Variants in PTDSS2 observed in about 807,000 individuals in gnomAD.
PTDSS2 encodes phosphatidylserine synthase 2.
Under a neutral mutation model 64.7 loss-of-function variants are expected in PTDSS2, and 41 were observed. That is an observed-to-expected ratio of 0.63 (90% confidence interval 0.49 to 0.82). The LOEUF (loss-of-function observed/expected upper bound fraction) is 0.82, where lower values mean the gene tolerates loss of function less well. PTDSS2 is among the 40% of genes least tolerant of loss of function. The pLI is 0.00. For missense variants in PTDSS2, 485 were observed against 650.0 expected (o/e 0.75, Z 2.76); for synonymous variants, 297 against 277.8 (o/e 1.07, Z -0.69).
intron 2 of PTDSS2, 63 bp from the exon 3 acceptor site, chr11:473,832 C>A: frequency 7.6e-7 from 1 of 1,308,658 alleles, no homozygotes; most frequent in Non-Finnish European, 1.1e-6. Context: ...TCCCTGCAGC[C>A]TCCCACCTCC....
intron 3 of PTDSS2, among the ~76,000 whole-genome samples, chr11:474,262 A>G (rs2133803842): frequency 6.6e-6 from 1 of 151,282 alleles, no homozygotes; most frequent in East Asian, 1.9e-4. Flanking sequence ...TCCTCTTTCC[A>G]CAGACCAGAG....
Position 490,585 on chromosome 11 carries a change from T to C in PTDSS2, c.*3T>C, listed in dbSNP as rs1848631188. On this transcript the variant is annotated 3_prime_UTR_variant, in exon 12 of 12. Coordinates refer to ENST00000308020, the MANE Select transcript of PTDSS2 (RefSeq NM_030783.3). Reference sequence around the variant, plus strand: ...AGGGAGCACCAACTCCAAACTGACCTGGGCCGTGGCTGCCTCGTGAGCCTC... The same window carrying C: ...AGGGAGCACCAACTCCAAACTGACCCGGGCCGTGGCTGCCTCGTGAGCCTC... The C allele has an allele frequency of 6.3e-7, 1 of 1,582,588 alleles. No homozygotes were observed. The highest frequency in any genetic ancestry group is 1.3e-5 in the African/African-American group (1 of 74,618).
chr11:454,989 C>T (rs1263281910), intron 1 of PTDSS2, among the ~76,000 whole-genome samples: 1 of 151,020 alleles, frequency 6.6e-6, no homozygotes, highest in Admixed American at 6.6e-5. Flanking sequence ...CAGGCACGTC[C>T]GAGGGTCAGG....
intron 2 of PTDSS2, among the ~76,000 whole-genome samples, chr11:473,053 G>C (rs1045040447): frequency 5.3e-5 from 8 of 152,224 alleles, no homozygotes; most frequent in Admixed American, 2.6e-4. Flanking sequence ...CCACACCTTG[G>C]GTGCAGCGAG....
chr11:464,526 G>T (rs1323049673), intron 2 of PTDSS2, among the ~76,000 whole-genome samples: 1 of 152,206 alleles, frequency 6.6e-6, no homozygotes, highest in African/African-American at 2.4e-5. Flanking sequence ...CAGTGCATCT[G>T]CCTGGGTGAG....
chr11:489,783 G>A (rs1041812513), intron 10 of PTDSS2, 50 bp downstream of exon 10: 4 of 1,576,864 alleles, frequency 2.5e-6, no homozygotes, highest in Admixed American at 3.7e-5. Context: ...GGCAGGGGCC[G>A]GAGGGCTGGG....
At chr11:474,213 T>C (rs924503466) in intron 3 of PTDSS2, among the ~76,000 whole-genome samples, 1 of 152,208 alleles carries the variant, frequency 6.6e-6, no homozygotes, top group African/African-American at 2.4e-5. Context: ...CACTCTTCCC[T>C]GTCCAGGGCT....
intron 4 of PTDSS2, among the ~76,000 whole-genome samples, chr11:485,698 C>T (rs1346598967): frequency 7.4e-6 from 1 of 135,598 alleles, no homozygotes; most frequent in East Asian, 2.2e-4. Flanking sequence ...CGTGTGTGCT[C>T]ACTGCGCAGG....
At chr11:449,609 T>C, upstream of PTDSS2, among the ~76,000 whole-genome samples, 1 of 152,186 alleles carries the variant, frequency 6.6e-6, no homozygotes, top group East Asian at 1.9e-4. Flanking sequence ...AATCAGCGTG[T>C]CCGCACCATT....
chr11:466,814 C>G (rs1156261415), intron 2 of PTDSS2, among the ~76,000 whole-genome samples: 1 of 152,118 alleles, frequency 6.6e-6, no homozygotes, highest in South Asian at 2.1e-4. Flanking sequence ...TCCCTCCACA[C>G]GTGGGGATTA....
At chr11:467,750 A>G (rs1847206713) in intron 2 of PTDSS2, among the ~76,000 whole-genome samples, 1 of 152,112 alleles carries the variant, frequency 6.6e-6, no homozygotes, top group Non-Finnish European at 1.5e-5. Context: ...ATAGATATAG[A>G]TATAGATAGA....
At chr11:481,603 G>A (rs7118621) in intron 4 of PTDSS2, among the ~76,000 whole-genome samples, 54,274 of 151,944 alleles carry the variant, frequency 0.36, 10,151 homozygotes, top group African/African-American at 0.47. Flanking sequence ...TGTTCATTGT[G>A]TGCTCTTGTA....
intron 2 of PTDSS2, among the ~76,000 whole-genome samples, chr11:466,289 G>GGGGA (rs573707953): frequency 6.6e-6 from 1 of 152,120 alleles, no homozygotes. Flanking sequence ...CCGAATTGCT[G>GGGGA]GGGAGGCCTC....
At chr11:454,335 CACATTTACCT>C (rs1214759892) in intron 1 of PTDSS2, among the ~76,000 whole-genome samples, 4 of 152,146 alleles carry the variant, frequency 2.6e-5, no homozygotes, top group Non-Finnish European at 4.4e-5. Flanking sequence ...TGACAGTGTG[CACATTTACCT>C]GAAGGGGCGA....
At chr11:481,995 A>T (rs1193894679) in intron 4 of PTDSS2, among the ~76,000 whole-genome samples, 1 of 150,962 alleles carries the variant, frequency 6.6e-6, no homozygotes, top group Non-Finnish European at 1.5e-5. Flanking sequence ...GGCATGCACC[A>T]CCATGCCCAG....
At position 476,475 on chromosome 11, in the gene PTDSS2, A is replaced by C. The variant is rs762985339; in HGVS notation, c.367+2498A>C. On this transcript the variant is annotated intron_variant, in intron 3 of 11. Coordinates refer to ENST00000308020, the MANE Select transcript of PTDSS2 (RefSeq NM_030783.3). This position sits in a 1 kb window ranked among gnomAD's most constrained non-coding sequence, Gnocchi z 4.9. ...AGAAAAGCTGCCGGAAGCTCAACCCATGGCCGTCCTTGCTTGGAGATGCAC... is the reference window on the plus strand; with the variant it reads ...AGAAAAGCTGCCGGAAGCTCAACCCCTGGCCGTCCTTGCTTGGAGATGCAC... Among the ~76,000 whole-genome samples, 4 of 152,166 alleles carry C rather than the reference A, an allele frequency of 2.6e-5. No individual in the cohort carries two copies. The highest frequency in any genetic ancestry group is 5.9e-5 in the Non-Finnish European group (4 of 68,024).
chr11:490,791 T>TGGGTGTACGCGTGTGTACGCGC lies in PTDSS2; in HGVS notation c.*210_*211insGGTGTACGCGTGTGTACGCGCG. The TGGGTGTACGCGTGTGTACGCGC allele has an allele frequency of 3.5e-6, 2 of 574,062 alleles. No homozygotes were observed. The highest frequency in any genetic ancestry group is 6.1e-6 in the Non-Finnish European group (2 of 327,482). The allele number at this position is 574,062 out of a possible 1,614,324, so 35.6% of individuals were successfully genotyped here. On this transcript the variant is annotated 3_prime_UTR_variant, in exon 12 of 12. Coordinates refer to ENST00000308020, the MANE Select transcript of PTDSS2 (RefSeq NM_030783.3). ...GTACACGTGTGTACGTGTGTATGCGTGTGTGTACGCGTGTGTACGCGCGTG... is the reference window on the plus strand; with the variant it reads ...GTACACGTGTGTACGTGTGTATGCGTGGGTGTACGCGTGTGTACGCGCGTGTGTACGCGTGTGTACGCGCGTG...
chr11:487,280 C>T, intron 5 of PTDSS2, 140 bp from the exon 6 acceptor site: 3 of 970,462 alleles, frequency 3.1e-6, no homozygotes, highest in Non-Finnish European at 4.9e-6. Flanking sequence ...GTGGTCTCCA[C>T]AGGCCACGGC....
At chr11:454,078 C>T (rs1846472989) in intron 1 of PTDSS2, among the ~76,000 whole-genome samples, 1 of 152,222 alleles carries the variant, frequency 6.6e-6, no homozygotes, top group Non-Finnish European at 1.5e-5. Context: ...GGCACTCTGT[C>T]ACTTCCAAGA....
Sources: gnomAD v4.1 joint callset for allele counts (sites outside exome capture counted in the v4.1 genomes callset) on GRCh38, gnomAD v4.1.1 for gene constraint, Gnocchi (gnomAD v3.1) non-coding constraint, MANE v1.5 for transcripts, NCBI Gene and HGNC (gene_info 2026-07-23, HGNC 2026-07-21) for gene names.